The following PROS1 variants were observed in gnomAD, a reference collection of about 807,000 sequenced individuals.
The protein encoded by PROS1 is vitamin K-dependent protein S.
A neutral mutation model predicts 75.9 loss-of-function variants in PROS1; 29 were observed. The observed-to-expected ratio is 0.38, with a 90% CI of 0.28 to 0.52. The LOEUF is 0.52. Ranked by LOEUF, PROS1 falls within the 20% of genes least tolerant of loss-of-function variation. The pLI is 0.83. For synonymous variants in PROS1, 245 were observed against 280.6 expected, an observed-to-expected ratio of 0.87 and a Z score of 1.27; for missense variants, 680 against 810.3, an observed-to-expected ratio of 0.84 and a Z score of 1.95.
intron 1 of PROS1, among the ~76,000 whole-genome samples, chr3:93,963,183 C>A (rs1559953254): frequency 6.6e-6 from 1 of 152,188 alleles, no homozygotes; most frequent in Admixed American, 6.5e-5. Context: ...TTTTGAGAAA[C>A]TGCTCTTGGG....
chr3:93,970,302 T>C (rs1253557604), intron 1 of PROS1, among the ~76,000 whole-genome samples: 1 of 152,122 alleles, frequency 6.6e-6, no homozygotes, highest in Non-Finnish European at 1.5e-5. Context: ...ATGCCTTAAG[T>C]GGGAAATGAT....
At chr3:93,916,373 G>A (rs968112506) in intron 3 of PROS1, among the ~76,000 whole-genome samples, 17 of 152,124 alleles carry the variant, frequency 1.1e-4, no homozygotes, top group Admixed American at 1.0e-3. Flanking sequence ...TGAGGCTGGA[G>A]ACCCAAGTGA....
At chr3:93,922,630 TCCTGTATGAGCTGTTGTAGTTAGTAAAA>T (rs1708959229) in intron 3 of PROS1, among the ~76,000 whole-genome samples, 1 of 152,190 alleles carries the variant, frequency 6.6e-6, no homozygotes, top group Non-Finnish European at 1.5e-5. Context: ...ACAGGGACCT[TCCTGTATGAGCTGTTGTAGTTAGTAAAA>T]CTACTGTTAG....
Position 93,916,487 on chromosome 3 carries a change from T to G in PROS1, c.260-5782A>C, listed in dbSNP as rs573764964. On this transcript the variant is annotated intron_variant, in intron 3 of 14. Transcript: ENST00000394236. ...ATTAATATTCATGATAATAATTTCA[T>G]GGAAAAGTGTGTTCAGAATTACAGT... is the stretch of plus-strand genomic sequence containing the variant. Among the ~76,000 whole-genome samples the G allele has an allele frequency of 1.1e-4, 16 of 152,306 alleles. 1 individual carries two copies. The East Asian group carries it at 3.1e-3, about 29-fold the overall frequency.
Position 93,943,477 on chromosome 3 carries a change from C to T in PROS1, c.77-16070G>A, listed in dbSNP as rs1709324481. Among the ~76,000 whole-genome samples the T allele has an allele frequency of 3.9e-5, 6 of 152,082 alleles. No individual in the cohort carries two copies. The South Asian group carries it at 1.2e-3, about 32-fold the overall frequency. On this transcript the variant is annotated intron_variant, in intron 1 of 14. Transcript: ENST00000394236. The stretch of plus-strand genomic sequence containing the variant: ...ATACAACCAATGTCACTTCTAACAA[C>T]CCCACAATATCACCCCTTACCACAA...
At chr3:93,947,206 CTT>C (rs1709416846) in intron 1 of PROS1, among the ~76,000 whole-genome samples, 1 of 152,146 alleles carries the variant, frequency 6.6e-6, no homozygotes, top group African/African-American at 2.4e-5. Flanking sequence ...GGAAGGAACA[CTT>C]TTACTCTGTT....
At chr3:93,879,789 A>G (rs1708249545) in intron 12 of PROS1, among the ~76,000 whole-genome samples, 1 of 152,226 alleles carries the variant, frequency 6.6e-6, no homozygotes, top group Non-Finnish European at 1.5e-5. Flanking sequence ...GATACTAGAG[A>G]AATACACTGA....
In PROS1 at chr3:93,892,927, A is replaced by G. The variant is rs768733158; in HGVS notation, c.1155+6T>C. On this transcript the variant is annotated splice_donor_region_variant and intron_variant, in intron 10 of 14. Transcript: ENST00000394236. ...GGGAAGATATTGATGAAATCTGCAA[A>G]CGTACCATATTCCATAGACCATTAT... The G allele has an allele frequency of 1.9e-6, 3 of 1,608,470 alleles. No individual in the cohort carries two copies. In the Admixed American group the frequency reaches 5.0e-5, roughly 27 times the overall value.
chr3:93,930,622 G>C (rs1477710614), intron 1 of PROS1, among the ~76,000 whole-genome samples: 1 of 152,138 alleles, frequency 6.6e-6, no homozygotes, highest in African/African-American at 2.4e-5. Flanking sequence ...GTACAAAGCA[G>C]GTGTAATAAC....
At chr3:93,926,832 C>G (rs1709025887) in intron 2 of PROS1, among the ~76,000 whole-genome samples, 1 of 152,140 alleles carries the variant, frequency 6.6e-6, no homozygotes. Flanking sequence ...ATACTATTTG[C>G]TGATAATGAA....
At chr3:93,906,241 G>GA (rs1170921536) in intron 4 of PROS1, 98 bp from the exon 5 acceptor site, 4,386 of 1,267,156 alleles carry the variant, frequency 3.5e-3, no homozygotes, top group South Asian at 4.6e-3. Context: ...TAGAACCAAT[G>GA]AAAAAAAAAC....
At chr3:93,893,526 TTTG>T (rs1320341133) in intron 9 of PROS1, among the ~76,000 whole-genome samples, 5 of 152,178 alleles carry the variant, frequency 3.3e-5, no homozygotes, top group East Asian at 1.9e-4. Flanking sequence ...GGTAGTTTTT[TTTG>T]TTGTTGTTCT....
intron 1 of PROS1, among the ~76,000 whole-genome samples, chr3:93,963,980 T>C (rs562966403): frequency 8.5e-5 from 13 of 152,320 alleles, no homozygotes; most frequent in African/African-American, 2.9e-4. Context: ...ACATGAATTG[T>C]GAAGATTTCA....
chr3:93,970,672 T>C (rs1709865466), intron 1 of PROS1, among the ~76,000 whole-genome samples: 1 of 150,450 alleles, frequency 6.6e-6, no homozygotes, highest in African/African-American at 2.4e-5. Context: ...ATAGAGATTC[T>C]CATCTCTCTC....
At chr3:93,931,464 G>T (rs992672791) in intron 1 of PROS1, among the ~76,000 whole-genome samples, 11 of 152,148 alleles carry the variant, frequency 7.2e-5, no homozygotes, top group Non-Finnish European at 1.0e-4. Context: ...AACTTCAGTG[G>T]AATGGGCAGC....
chr3:93,903,920 T>TC (rs1336243137), intron 6 of PROS1, among the ~76,000 whole-genome samples: 1 of 150,840 alleles, frequency 6.6e-6, no homozygotes, highest in East Asian at 2.0e-4. Context: ...ACCCACTAAC[T>TC]CGTCATCTAG....
In PROS1 at chr3:93,900,837, A is replaced by G; in HGVS notation, c.694T>C (p.Tyr232His). ...GACTTTGATTTGAGATTATATCTGT[A>G]GCCTTCGGGGCATTCACATTCAAAA... ...GDFECECPEG[Y>H]RYNLKSKSCE... The change falls in exon 7 of 15, where the codon TAC becomes CAC. Residue 232 changes from tyrosine to histidine, a missense_variant. Transcript: ENST00000394236. 6.2e-7 allele frequency: 1 copy of G among 1,613,818 alleles called. No individual in the cohort carries two copies. Among genetic ancestry groups the G allele is most frequent in the Non-Finnish European group, 8.5e-7 (1 of 1,179,934 alleles).
intron 6 of PROS1, 74 bp downstream of exon 6, chr3:93,905,710 T>G: frequency 6.5e-7 from 1 of 1,531,216 alleles, no homozygotes; most frequent in Non-Finnish European, 9.0e-7. Flanking sequence ...TCCAAAAATT[T>G]GCTAGTAAAA....
intron 1 of PROS1, among the ~76,000 whole-genome samples, chr3:93,935,354 CA>C (rs2107215900): frequency 6.6e-6 from 1 of 152,214 alleles, no homozygotes; most frequent in South Asian, 2.1e-4. Context: ...ACTAGGACCC[CA>C]AAACATCATT....
Sources: allele counts gnomAD v4.1 joint callset (sites outside exome capture counted in the v4.1 genomes callset), GRCh38; gene constraint gnomAD v4.1.1; transcripts MANE v1.5; gene names NCBI Gene and HGNC (gene_info 2026-07-23, HGNC 2026-07-21).